The following BTAF1 variants were observed in gnomAD, a reference collection of about 807,000 sequenced individuals.
The protein encoded by BTAF1 is TATA-binding protein-associated factor 172.
A neutral mutation model predicts 227.1 loss-of-function variants in BTAF1; 38 were observed. The observed-to-expected ratio is 0.17, with a 90% confidence interval of 0.13 to 0.22. The LOEUF is 0.22. Ranked by LOEUF, BTAF1 falls within the 10% of genes least tolerant of loss-of-function variation. The pLI is 1.00. For missense variants in BTAF1, 1,598 were observed against 2,204.0 expected (o/e 0.73, Z 5.51); for synonymous variants, 742 against 751.9 (o/e 0.99, Z 0.21).
At chr10:91,992,782 T>A (rs1848888345) in intron 21 of BTAF1, among the ~76,000 whole-genome samples, 1 of 152,242 alleles carries the variant, frequency 6.6e-6, no homozygotes, top group African/African-American at 2.4e-5. Context: ...GCACCTCTGT[T>A]AATGGCTTCA....
At chr10:91,961,049 C>G (rs1007502390) in intron 11 of BTAF1, among the ~76,000 whole-genome samples, 2 of 152,154 alleles carry the variant, frequency 1.3e-5, no homozygotes, top group Non-Finnish European at 2.9e-5. Context: ...AGTAAAACAT[C>G]TCTTTTCTCC....
intron 14 of BTAF1, among the ~76,000 whole-genome samples, chr10:91,978,320 A>G (rs1040105542): frequency 1.1e-4 from 17 of 152,110 alleles, no homozygotes; most frequent in Non-Finnish European, 7.4e-5. Flanking sequence ...ACTTTTGGGG[A>G]CCTACAGGCA....
chr10:91,945,711 A>G (rs1845318316), intron 4 of BTAF1, among the ~76,000 whole-genome samples: 1 of 152,202 alleles, frequency 6.6e-6, no homozygotes, highest in Admixed American at 6.5e-5. Flanking sequence ...CTTATTCCAC[A>G]TTTTGACTGT....
At chr10:91,955,932 A>G (rs185262102) in intron 6 of BTAF1, among the ~76,000 whole-genome samples, 1 of 152,326 alleles carries the variant, frequency 6.6e-6, no homozygotes, top group African/African-American at 2.4e-5. Context: ...TATGCTTTAA[A>G]ATGTGCTAAG....
intron 22 of BTAF1, among the ~76,000 whole-genome samples, chr10:91,994,186 G>C (rs1369754457): frequency 6.6e-6 from 1 of 152,014 alleles, no homozygotes; most frequent in African/African-American, 2.4e-5. Flanking sequence ...TGTAGTCCCA[G>C]CTACTCTGGA....
intron 37 of BTAF1, 40 bp from the exon 38 acceptor site, chr10:92,028,750 T>C: frequency 6.6e-7 from 1 of 1,524,022 alleles, no homozygotes; most frequent in Non-Finnish European, 8.9e-7. Flanking sequence ...GAAGTTAACC[T>C]CTCATTTTAT....
In BTAF1 at chr10:91,948,267, T is replaced by C. The variant is rs11186762; in HGVS notation, c.401-3136T>C. Among the ~76,000 whole-genome samples, 12 of 151,960 alleles carry C rather than the reference T, an allele frequency of 7.9e-5. No individual in the cohort carries two copies. The East Asian group carries it at 1.9e-3, about 24-fold the overall frequency. ...AGTGAGAACAGTATTGCTTTATCTT[T>C]AAGTTCACTTGCATTTTGTCCTGTT... On this transcript the variant is annotated intron_variant, in intron 4 of 37. Coordinates refer to ENST00000265990, the MANE Select transcript of BTAF1 (RefSeq NM_003972.3).
At position 92,018,575 on chromosome 10, in the gene BTAF1, C is replaced by T. The variant is rs45611639; in HGVS notation, c.4711-208C>T. ...AGATATAAACAGTACAATTTATACG[C>T]GTTGTAAATGTCCGCATAGAAACTG... On this transcript the variant is annotated intron_variant, in intron 33 of 37. Coordinates refer to ENST00000265990, the MANE Select transcript of BTAF1 (RefSeq NM_003972.3). 0.14 allele frequency among the ~76,000 whole-genome samples: 21,221 copies of T among 152,096 alleles called. 1,606 individuals carry two copies. Among genetic ancestry groups the T allele is most frequent in the Middle Eastern group, 0.2 (58 of 294 alleles).
At chr10:91,930,295 A>G (rs2133768972) in intron 1 of BTAF1, among the ~76,000 whole-genome samples, 1 of 152,318 alleles carries the variant, frequency 6.6e-6, no homozygotes, top group South Asian at 2.1e-4. Context: ...GAGGGTAGAA[A>G]AAAATGTCTT....
At chr10:91,962,724 AT>A (rs1277565395) in intron 12 of BTAF1, 46 bp downstream of exon 12, 1 of 1,496,884 alleles carries the variant, frequency 6.7e-7, no homozygotes, top group African/African-American at 1.4e-5. Flanking sequence ...GCTTGTTTTC[AT>A]TTGGGATATG....
rs1437661665 is a variant in BTAF1 at position 92,030,920 on chromosome 10, G to GT, written c.*1988dup. On this transcript the variant is annotated 3_prime_UTR_variant, in exon 38 of 38. Transcript: ENST00000265990. ...TTAATTAAATGACCCAGTCATTGTA[G>GT]TACATCTTAAGAATAATGAAGAGAT... 6.6e-6 allele frequency among the ~76,000 whole-genome samples: 1 copy of GT among 152,154 alleles called. No homozygotes were observed. Among genetic ancestry groups the GT allele is most frequent in the East Asian group, 1.9e-4 (1 of 5,194 alleles).
chr10:92,026,656 A>C lies in BTAF1; in HGVS notation c.5140A>C (p.Asn1714His), dbSNP rs757015390. 1 of 1,613,978 alleles carries C rather than the reference A, an allele frequency of 6.2e-7. No individual in the cohort carries two copies. The highest frequency in any genetic ancestry group is 8.5e-7 in the Non-Finnish European group (1 of 1,179,934). Residue 1714 changes from asparagine (N) to histidine (H), a missense_variant, in exon 36 of 38, where the codon AAT (asparagine) becomes CAT (histidine). This residue lies in a region of BTAF1 where 205 missense variants were observed against 244.5 expected (regional missense o/e 0.84). Coordinates refer to ENST00000265990, the MANE Select transcript of BTAF1 (RefSeq NM_003972.3). ...LTTHVGGLGL[N>H]LTGADTVVFV... ...CACTCACGTTGGTGGCCTGGGACTTAATTTGACAGGCGCTGACACAGTAGT... is the reference window on the plus strand; with the variant it reads ...CACTCACGTTGGTGGCCTGGGACTTCATTTGACAGGCGCTGACACAGTAGT...
chr10:91,995,676 AAAAAAAAAAAGAAGG>A (rs1455296279), intron 23 of BTAF1, among the ~76,000 whole-genome samples: 3 of 146,464 alleles, frequency 2.0e-5, no homozygotes, highest in South Asian at 2.1e-4. Flanking sequence ...ACTCAGTCTC[AAAAAAAAAAAGAAGG>A]AAAAAAAAAA....
At chr10:91,974,022 T>C (rs555910586) in intron 14 of BTAF1, among the ~76,000 whole-genome samples, 1 of 152,308 alleles carries the variant, frequency 6.6e-6, no homozygotes, top group African/African-American at 2.4e-5. Context: ...AAAATAATTA[T>C]GTGTCTAATT....
rs1249430131 is a variant in BTAF1 at position 92,011,163 on chromosome 10, T to A, written c.4181+13T>A. ...TAGATTTCTTTAGGTAAGAATTAAT[T>A]TTTTTTTTAGAAAAATTAATATCAA... On this transcript the variant is annotated intron_variant, in intron 29 of 37. Transcript: ENST00000265990. 6.4e-7 allele frequency: 1 copy of A among 1,560,306 alleles called. No individual in the cohort carries two copies. Among genetic ancestry groups the A allele is most frequent in the Non-Finnish European group, 8.7e-7 (1 of 1,154,594 alleles).
intron 3 of BTAF1, 124 bp from the exon 4 acceptor site, chr10:91,942,298 T>TTGGGTGTGTGTG: frequency 1.8e-6 from 1 of 545,504 alleles, no homozygotes; most frequent in Non-Finnish European, 3.0e-6. Context: ...AAAAAAAAGT[T>TTGGGTGTGTGTG]TGTGTGTGTG....
chr10:91,976,279 T>G (rs1343142805), intron 14 of BTAF1, among the ~76,000 whole-genome samples: 1 of 152,164 alleles, frequency 6.6e-6, no homozygotes, highest in East Asian at 1.9e-4. Context: ...CATGCCACCC[T>G]CAGCACCTCT....
chr10:91,992,148 C>T lies in BTAF1; in HGVS notation c.2884C>T (p.His962Tyr). The change falls in exon 21 of 38, where the codon CAT becomes TAT. Residue 962 changes from histidine (H) to tyrosine (Y), a missense_variant. His to Tyr is a moderately conservative substitution (Grantham distance 83, BLOSUM62 2). Coordinates refer to ENST00000265990, the MANE Select transcript of BTAF1 (RefSeq NM_003972.3). The stretch of plus-strand genomic sequence containing the variant: ...CACCTCAGAAAAAGATGGAATGCAC[C>T]ATACTGTCACCAAGCACAGAGGTAT... ...GSTSEKDGMHHTVTKHRGIIT... is the reference protein window; with the variant it reads ...GSTSEKDGMHYTVTKHRGIIT... The T allele has an allele frequency of 6.2e-7, 1 of 1,603,296 alleles. No homozygotes were observed. The highest frequency in any genetic ancestry group is 8.5e-7 in the Non-Finnish European group (1 of 1,175,718).
chr10:91,951,597 A>C, intron 5 of BTAF1, 31 bp downstream of exon 5: 1 of 1,561,314 alleles, frequency 6.4e-7, no homozygotes, highest in Non-Finnish European at 8.6e-7. Flanking sequence ...TTTGATTGCA[A>C]GTAATAATAC....
Sources: allele counts gnomAD v4.1 joint callset (sites outside exome capture counted in the v4.1 genomes callset), GRCh38; gene constraint gnomAD v4.1.1; regional missense constraint gnomAD v4.1.1; transcripts MANE v1.5; gene names NCBI Gene and HGNC (gene_info 2026-07-23, HGNC 2026-07-21).